LOC122539214: variants seen among roughly 807,000 people sequenced by gnomAD.
the LOC122539214 span, chr19:52,674,084 T>TCACACAGACACACACAGA: frequency 2.7e-5 from 4 of 148,248 alleles, no homozygotes; most frequent in Non-Finnish European, 5.9e-5. Context: ...ATTTGCACAC[T>TCACACAGACACACACAGA]CACACAGACA....
At chr19:52,651,054 G>C in the LOC122539214 span, 4 of 152,182 alleles carry the variant, frequency 2.6e-5, no homozygotes, top group Non-Finnish European at 4.4e-5. Context: ...TACTTGAACT[G>C]TGCATGTCTC....
chr19:52,675,789 G>A, the LOC122539214 span, among the ~76,000 whole-genome samples: 2 of 152,192 alleles, frequency 1.3e-5, no homozygotes, highest in Non-Finnish European at 2.9e-5. Context: ...AATTCCACTA[G>A]GATAGACCAA....
At chr19:52,684,241 C>T in the LOC122539214 span, among the ~76,000 whole-genome samples, 4 of 152,154 alleles carry the variant, frequency 2.6e-5, no homozygotes, top group South Asian at 8.3e-4. Flanking sequence ...TGGTGGGCAT[C>T]TGTAATCCCA....
chr19:52,679,355 A>T, the LOC122539214 span, among the ~76,000 whole-genome samples: 1 of 152,204 alleles, frequency 6.6e-6, no homozygotes, highest in Non-Finnish European at 1.5e-5. Context: ...TCATGCCTGT[A>T]ATCCCAGCAC....
At chr19:52,687,589 TATATATAATGTATATATATATA>T in the LOC122539214 span, among the ~76,000 whole-genome samples, 1 of 58,442 alleles carries the variant, frequency 1.7e-5, no homozygotes, top group African/African-American at 9.5e-5. Flanking sequence ...TATATATATA[TATATATAATGTATATATATATA>T]ATGTGTATAT....
chr19:52,661,743 G>A, the LOC122539214 span, among the ~76,000 whole-genome samples: 58 of 152,282 alleles, frequency 3.8e-4, no homozygotes, highest in African/African-American at 1.3e-3. Flanking sequence ...CAGCGAAGGA[G>A]CTAAAAGAAT....
the LOC122539214 span, among the ~76,000 whole-genome samples, chr19:52,661,804 A>T: frequency 6.6e-6 from 1 of 151,952 alleles, no homozygotes; most frequent in Non-Finnish European, 1.5e-5. Context: ...GTGGGGCTGC[A>T]ATGTCAAATG....
At chr19:52,662,487 G>A in the LOC122539214 span, among the ~76,000 whole-genome samples, 1 of 152,232 alleles carries the variant, frequency 6.6e-6, no homozygotes, top group Non-Finnish European at 1.5e-5. Context: ...GAAGGGCAGT[G>A]GGTGTGGACA....
the LOC122539214 span, among the ~76,000 whole-genome samples, chr19:52,663,397 G>T: frequency 6.6e-6 from 1 of 152,176 alleles, no homozygotes; most frequent in African/African-American, 2.4e-5. Flanking sequence ...TTTTCTTCAT[G>T]AACACATGGA....
the LOC122539214 span, among the ~76,000 whole-genome samples, chr19:52,658,165 G>C: frequency 6.7e-6 from 1 of 150,290 alleles, no homozygotes; most frequent in East Asian, 1.9e-4. Flanking sequence ...TAGTGAATAG[G>C]AAAAGAAACA....
chr19:52,678,772 A>G, the LOC122539214 span, among the ~76,000 whole-genome samples: 1 of 152,082 alleles, frequency 6.6e-6, no homozygotes, highest in African/African-American at 2.4e-5. Flanking sequence ...TAAAGAGTTC[A>G]AGACCAGCCT....
the LOC122539214 span, among the ~76,000 whole-genome samples, chr19:52,687,981 C>T: frequency 3.3e-5 from 5 of 151,944 alleles, no homozygotes; most frequent in Admixed American, 6.6e-5. Context: ...GGGATTCCAA[C>T]TGGAAGCTAA....
the LOC122539214 span, among the ~76,000 whole-genome samples, chr19:52,674,999 G>T: frequency 6.6e-6 from 1 of 152,134 alleles, no homozygotes; most frequent in Non-Finnish European, 1.5e-5. Flanking sequence ...GGGATTACAG[G>T]CATGAGCCAC....
the LOC122539214 span, among the ~76,000 whole-genome samples, chr19:52,684,862 C>T: frequency 6.6e-6 from 1 of 152,186 alleles, no homozygotes; most frequent in African/African-American, 2.4e-5. Flanking sequence ...AGGCTGGACA[C>T]TGGCAGGGGC....
At chr19:52,653,265 T>G in the LOC122539214 span, 1 of 1,488,804 alleles carries the variant, frequency 6.7e-7, no homozygotes, top group Non-Finnish European at 9.3e-7. Context: ...TATAATGACA[T>G]GCAAGGTGTG....
chr19:52,687,647 ATATATATATAATG>A, the LOC122539214 span, among the ~76,000 whole-genome samples: 1 of 17,318 alleles, frequency 5.8e-5, no homozygotes, highest in Admixed American at 4.5e-4. Flanking sequence ...ATATATATAT[ATATATATATAATG>A]TATATATATA....
At chr19:52,657,421 T>A in the LOC122539214 span, among the ~76,000 whole-genome samples, 1 of 151,702 alleles carries the variant, frequency 6.6e-6, no homozygotes, top group Non-Finnish European at 1.5e-5. Context: ...ACCAGCCTCA[T>A]CAATATGGTG....
chr19:52,652,566 C>CT, the LOC122539214 span: 1 of 434,254 alleles, frequency 2.3e-6, no homozygotes, highest in Non-Finnish European at 4.7e-6. Flanking sequence ...TGTAACGTTT[C>CT]TTTCCAGTAT....
the LOC122539214 span, chr19:52,660,987 AC>A: frequency 6.6e-6 from 1 of 152,290 alleles, no homozygotes. Flanking sequence ...GCCTCAGTGT[AC>A]CAAGTAGCTG....
Sources: allele counts gnomAD v4.1 joint callset (sites outside exome capture counted in the v4.1 genomes callset), GRCh38; gene constraint gnomAD v4.1.1; transcripts MANE v1.5.